Variants in TGFBRAP1 observed in about 807,000 individuals in gnomAD.
TGFBRAP1 encodes transforming growth factor-beta receptor-associated protein 1.
In TGFBRAP1, 20 loss-of-function variants were observed where a neutral mutation model predicts 83.2. That is an observed-to-expected ratio of 0.24 (90% confidence interval 0.17 to 0.35). The LOEUF is 0.35. TGFBRAP1 is among the 10% of genes least tolerant of loss of function. The probability of loss-of-function intolerance (pLI) is 1.00; values close to 1 mark genes in which losing one functional copy is unlikely to be tolerated. For synonymous variants in TGFBRAP1, 415 were observed against 459.8 expected (o/e 0.90, Z 1.25); for missense variants, 950 against 1,099.4 (o/e 0.86, Z 1.92).
At chr2:105,314,619 T>C (rs1039553995) in intron 1 of TGFBRAP1, among the ~76,000 whole-genome samples, 3 of 151,216 alleles carry the variant, frequency 2.0e-5, no homozygotes, top group Non-Finnish European at 4.4e-5. Flanking sequence ...GTATTAGGAG[T>C]CTTTGCCAGT....
At chr2:105,300,454 T>C (rs1012835079) in intron 2 of TGFBRAP1, among the ~76,000 whole-genome samples, 14 of 127,124 alleles carry the variant, frequency 1.1e-4, no homozygotes, top group East Asian at 7.1e-4. Context: ...TTTTTTTTTT[T>C]CCGAGACAGT....
intron 6 of TGFBRAP1, 52 bp downstream of exon 6, chr2:105,280,330 A>G: frequency 1.3e-6 from 2 of 1,562,382 alleles, no homozygotes; most frequent in Non-Finnish European, 8.7e-7. Context: ...AAAGAGCCTC[A>G]GTAAGGGTGC....
intron 1 of TGFBRAP1, among the ~76,000 whole-genome samples, chr2:105,318,300 G>C (rs758563634): frequency 6.6e-6 from 1 of 152,198 alleles, no homozygotes; most frequent in South Asian, 2.1e-4. Context: ...AGGGAATGAT[G>C]AACACAAATC....
At chr2:105,318,231 T>C (rs970426693) in intron 1 of TGFBRAP1, among the ~76,000 whole-genome samples, 2 of 152,148 alleles carry the variant, frequency 1.3e-5, no homozygotes, top group Non-Finnish European at 2.9e-5. Context: ...TGAAATACTG[T>C]ACAGCTGCAA....
At chr2:105,253,375 C>T in the TGFBRAP1 span, among the ~76,000 whole-genome samples, 3 of 151,986 alleles carry the variant, frequency 2.0e-5, no homozygotes, top group African/African-American at 4.8e-5. Flanking sequence ...TCAGGTGATT[C>T]GCCTGCCTCG....
At chr2:105,277,527 T>C (rs1054304311) in intron 7 of TGFBRAP1, 87 bp downstream of exon 7, 3 of 1,340,674 alleles carry the variant, frequency 2.2e-6, no homozygotes, top group Non-Finnish European at 2.1e-6. Flanking sequence ...GTGGTCTCTA[T>C]CAACTTGTGA....
At chr2:105,296,179 C>T (rs531832062) in intron 4 of TGFBRAP1, among the ~76,000 whole-genome samples, 177 bp downstream of exon 4, 12 of 151,174 alleles carry the variant, frequency 7.9e-5, no homozygotes, top group Non-Finnish European at 1.2e-4. Flanking sequence ...TGTTTGACCG[C>T]CCTAAAGCCT....
intron 5 of TGFBRAP1, among the ~76,000 whole-genome samples, chr2:105,281,258 C>T (rs1172200211): frequency 1.3e-5 from 2 of 152,198 alleles, no homozygotes; most frequent in Non-Finnish European, 2.9e-5. Context: ...TGGGGACTCT[C>T]GTAGAATTTC....
chr2:105,253,371 G>A, the TGFBRAP1 span, among the ~76,000 whole-genome samples: 367 of 152,268 alleles, frequency 2.4e-3, 8 homozygotes, highest in East Asian at 0.054. Context: ...GACCTCAGGT[G>A]ATTCGCCTGC....
At chr2:105,307,514 G>T in intron 2 of TGFBRAP1, 100 bp downstream of exon 2, 1 of 1,275,278 alleles carries the variant, frequency 7.8e-7, no homozygotes, top group Non-Finnish European at 1.1e-6. Context: ...CAATGTCACT[G>T]AGGATTTATT....
intron 1 of TGFBRAP1, 26 bp downstream of exon 1, chr2:105,329,599 C>A (rs1363197537): frequency 6.7e-6 from 1 of 148,424 alleles, no homozygotes; most frequent in Admixed American, 6.7e-5. Flanking sequence ...CCCCGCACCC[C>A]GCGCCCCGCC....
At chr2:105,257,006 G>A in the TGFBRAP1 span, among the ~76,000 whole-genome samples, 8 of 152,314 alleles carry the variant, frequency 5.3e-5, no homozygotes, top group East Asian at 3.9e-4. Context: ...GTCTAAAAAC[G>A]GGAGGCATGA....
intron 11 of TGFBRAP1, 138 bp from the exon 12 acceptor site, chr2:105,267,697 TTGAAA>T: frequency 2.0e-6 from 3 of 1,472,208 alleles, no homozygotes; most frequent in Non-Finnish European, 2.7e-6. Context: ...TATCAACTTC[TTGAAA>T]TGAAATGCTA....
chr2:105,257,950 A>G, the TGFBRAP1 span, among the ~76,000 whole-genome samples: 1 of 152,330 alleles, frequency 6.6e-6, no homozygotes, highest in South Asian at 2.1e-4. Context: ...GGCACACTGC[A>G]GTCTCCCAAC....
In TGFBRAP1 at chr2:105,273,018, C is replaced by A; in HGVS notation, c.1813-4G>T. 6.2e-7 allele frequency: 1 copy of A among 1,608,424 alleles called. No homozygotes were observed. Among genetic ancestry groups the A allele is most frequent in the Admixed American group, 1.7e-5 (1 of 58,364 alleles). On this transcript the variant is annotated splice_polypyrimidine_tract_variant and splice_region_variant and intron_variant, in intron 9 of 11. Coordinates refer to ENST00000393359, the MANE Select transcript of TGFBRAP1 (RefSeq NM_004257.6). ...AGTGGGTGTGATACTCTTCTTTCTG[C>A]AGGAAACAGGGGGAGCCAAGCAGAC... is the stretch of plus-strand genomic sequence containing the variant.
intron 8 of TGFBRAP1, 144 bp from the exon 9 acceptor site, chr2:105,273,834 A>T (rs1014371194): frequency 2.9e-6 from 3 of 1,034,332 alleles, no homozygotes; most frequent in Non-Finnish European, 4.1e-6. Flanking sequence ...AGCTTTTTGT[A>T]TGTCAATCAT....
intron 2 of TGFBRAP1, among the ~76,000 whole-genome samples, chr2:105,300,763 T>C (rs1404555074): frequency 1.3e-5 from 2 of 152,084 alleles, no homozygotes; most frequent in Non-Finnish European, 2.9e-5. Context: ...CTAAAACAGT[T>C]AGGTATTGGC....
chr2:105,296,756 C>CTTTT lies in TGFBRAP1; in HGVS notation c.884-250_884-247dup, dbSNP rs60031957. 2.3e-3 allele frequency among the ~76,000 whole-genome samples: 167 copies of CTTTT among 73,214 alleles called. 25 individuals carry two copies. Among genetic ancestry groups the CTTTT allele is most frequent in the South Asian group, 4.6e-3 (8 of 1,728 alleles). The allele number at this position is 73,214 out of a possible 152,430, so 48.0% of individuals were successfully genotyped here. ...ATAATATCTTGCTTTCTTTTTTTGC[C>CTTTT]TTTTTTTTTTTTTTTTTTTTTTTTT... On this transcript the variant is annotated intron_variant, in intron 3 of 11. Transcript: ENST00000393359.
At chr2:105,302,265 A>G (rs1678324963) in intron 2 of TGFBRAP1, among the ~76,000 whole-genome samples, 1 of 152,180 alleles carries the variant, frequency 6.6e-6, no homozygotes, top group African/African-American at 2.4e-5. Context: ...AAAATGGTGC[A>G]ACCTTTATCA....
Sources: gnomAD v4.1 joint callset for allele counts (sites outside exome capture counted in the v4.1 genomes callset) on GRCh38, gnomAD v4.1.1 for gene constraint, MANE v1.5 for transcripts, NCBI Gene and HGNC (gene_info 2026-07-23, HGNC 2026-07-21) for gene names.